KLHDC4: variants seen among roughly 807,000 people sequenced by gnomAD.
KLHDC4 encodes the protein kelch domain containing 4, also known as kelch domain-containing protein 4.
Under a neutral mutation model 62.4 loss-of-function variants are expected in KLHDC4, and 90 were observed. That is an observed-to-expected ratio of 1.44 (90% CI 1.22 to 1.72). KLHDC4 has a LOEUF of 1.72. Ranked by LOEUF, KLHDC4 falls within the 40% of genes most tolerant of loss-of-function variation. The probability of loss-of-function intolerance (pLI) is 0.00; values close to 1 mark genes in which losing one functional copy is unlikely to be tolerated. For missense variants in KLHDC4, 1,025 were observed against 699.7 expected (o/e 1.47, Z -5.25); for synonymous variants, 386 against 284.4 (o/e 1.36, Z -3.59).
chr16:87,765,465 C>A, intron 1 of KLHDC4: 2 of 499,570 alleles, frequency 4.0e-6, no homozygotes, highest in East Asian at 5.0e-5. Flanking sequence ...CTTCTCACCA[C>A]CCAGCCTCCC....
intron 5 of KLHDC4, among the ~76,000 whole-genome samples, chr16:87,742,362 C>T (rs1597254527): frequency 6.6e-6 from 1 of 152,288 alleles, no homozygotes; most frequent in East Asian, 1.9e-4. Flanking sequence ...TTTCATTCTG[C>T]AATCATTAGT....
At chr16:87,765,729 G>T in intron 1 of KLHDC4, 63 bp downstream of exon 1, 1 of 1,462,628 alleles carries the variant, frequency 6.8e-7, no homozygotes, top group Non-Finnish European at 9.2e-7. Context: ...GGGGGGCGCA[G>T]GGAGTCGGCC....
In KLHDC4 at chr16:87,748,812, G is replaced by C; in HGVS notation, c.370-3C>G. On this transcript the variant is annotated splice_polypyrimidine_tract_variant and splice_region_variant and intron_variant, in intron 4 of 11. Transcript: ENST00000270583. ...CCACCTTGAGGCACTACCACCGCCT[G>C]TGAAAAGAAAGGTGACAGGTCAGGG... 1.9e-6 allele frequency: 3 copies of C among 1,612,108 alleles called. No individual in the cohort carries two copies. Among genetic ancestry groups the C allele is most frequent in the South Asian group, 1.1e-5 (1 of 90,832 alleles).
At position 87,726,223 on chromosome 16, in the gene KLHDC4, CG is replaced by C. The variant is rs1265279457; in HGVS notation, c.759+541del. Among the ~76,000 whole-genome samples the C allele has an allele frequency of 2.3e-3, 285 of 124,830 alleles. 103 individuals carry two copies. Among genetic ancestry groups the C allele is most frequent in the Middle Eastern group, 4.1e-3 (1 of 246 alleles). The allele number at this position is 124,830 out of a possible 152,430, so 81.9% of individuals were successfully genotyped here. A position where few individuals can be genotyped will look rare whatever the true frequency, so the allele number is the denominator to read the frequency against. ...ACCCCGCGCCTCGCCCGTCTCCCCA[CG>C]CCGCGCCTCGCCCGTCTCCCCACGC... On this transcript the variant is annotated intron_variant, in intron 7 of 11. Coordinates refer to ENST00000270583, the MANE Select transcript of KLHDC4 (RefSeq NM_017566.4).
rs553736804 is a variant in KLHDC4, at chr16:87,735,231, C to T, written c.507-4587G>A. Among the ~76,000 whole-genome samples the T allele has an allele frequency of 4.7e-5, 7 of 149,362 alleles. No individual in the cohort carries two copies. The East Asian group carries it at 1.2e-3, about 26-fold the overall frequency. On this transcript the variant is annotated intron_variant, in intron 5 of 11. Coordinates refer to ENST00000270583, the MANE Select transcript of KLHDC4 (RefSeq NM_017566.4). ...AGGAGAATGGCGTGAACCCGGGAGGCGGAGCTTGCAGTGAGCAGAGATCGC... is the reference window on the plus strand; with the variant it reads ...AGGAGAATGGCGTGAACCCGGGAGGTGGAGCTTGCAGTGAGCAGAGATCGC...
intron 8 of KLHDC4, among the ~76,000 whole-genome samples, chr16:87,711,645 C>G (rs561263566): frequency 8.5e-5 from 13 of 152,218 alleles, no homozygotes; most frequent in Non-Finnish European, 1.5e-4. Context: ...CTTAAGAGAG[C>G]TGGCATTCAA....
intron 10 of KLHDC4, 39 bp from the exon 11 acceptor site, chr16:87,708,505 G>C (rs759624371): frequency 1.1e-5 from 16 of 1,506,686 alleles, no homozygotes; most frequent in Non-Finnish European, 1.3e-5. Flanking sequence ...CGTCAGCGCA[G>C]CTGAGGCAGG....
chr16:87,757,666 G>C (rs765900596), intron 2 of KLHDC4, among the ~76,000 whole-genome samples: 23 of 152,034 alleles, frequency 1.5e-4, no homozygotes, highest in Admixed American at 4.6e-4. Flanking sequence ...GAGGCGGGCA[G>C]ATCACCTGAG....
chr16:87,720,197 G>A (rs917201023), intron 7 of KLHDC4, among the ~76,000 whole-genome samples: 6 of 152,254 alleles, frequency 3.9e-5, no homozygotes, highest in Non-Finnish European at 8.8e-5. Context: ...CGGCGGTGCA[G>A]TGGTAGGTAG....
chr16:87,716,545 C>G (rs1407894656), intron 7 of KLHDC4, among the ~76,000 whole-genome samples: 1 of 152,158 alleles, frequency 6.6e-6, no homozygotes, highest in Non-Finnish European at 1.5e-5. Context: ...ACAAGATGCT[C>G]AATTCCTCCT....
chr16:87,748,807 C>T lies in KLHDC4; in HGVS notation c.372G>A (p.Ala124=), dbSNP rs762964062. The change falls in exon 5 of 12, where the codon GCG becomes GCA. Residue 124 remains alanine, a splice_region_variant and synonymous_variant. Transcript: ENST00000270583. The part of the protein sequence containing the change: ...SPPPRRCAHQ[A]VVVPQGGGQL... ...GTCCGCCACCTTGAGGCACTACCAC[C>T]GCCTGTGAAAAGAAAGGTGACAGGT... The T allele has an allele frequency of 3.5e-5, 57 of 1,612,050 alleles. 1 individual carries two copies. In the South Asian group the frequency reaches 4.3e-4, roughly 12 times the overall value.
chr16:87,717,752 G>GAC (rs1172940195), intron 7 of KLHDC4, among the ~76,000 whole-genome samples: 2,147 of 152,280 alleles, frequency 0.014, 50 homozygotes, highest in African/African-American at 0.048. Flanking sequence ...GGACAAGGAA[G>GAC]GAATTCAGTG....
At chr16:87,713,785 T>A (rs961244080) in intron 8 of KLHDC4, among the ~76,000 whole-genome samples, 2 of 152,218 alleles carry the variant, frequency 1.3e-5, no homozygotes, top group Admixed American at 1.3e-4. Context: ...CCCTAGGTCA[T>A]CCCATGTCAT....
rs2034986019 is a variant in KLHDC4 at position 87,708,024 on chromosome 16, C to A, written c.*53G>T. On this transcript the variant is annotated 3_prime_UTR_variant, in exon 12 of 12. Transcript: ENST00000270583. ...AGAGCTTCACTCAACACGGCTGGGT[C>A]CTGGGCGGACGTGGGCACAGCACTT... 5.9e-6 allele frequency: 3 copies of A among 504,790 alleles called. No homozygotes were observed. The highest frequency in any genetic ancestry group is 1.2e-5 in the Non-Finnish European group (3 of 258,630). The allele number at this position is 504,790 out of a possible 1,614,324, so 31.3% of individuals were successfully genotyped here. A position where few individuals can be genotyped will look rare whatever the true frequency, so the allele number is the denominator to read the frequency against.
At chr16:87,706,511 C>G (rs1268100602), downstream of KLHDC4, among the ~76,000 whole-genome samples, 2 of 152,214 alleles carry the variant, frequency 1.3e-5, no homozygotes, top group Non-Finnish European at 2.9e-5. Context: ...TCACTCCTGT[C>G]AGCACTGCCA....
intron 4 of KLHDC4, among the ~76,000 whole-genome samples, 179 bp from the exon 5 acceptor site, chr16:87,748,988 C>T (rs1404502013): frequency 6.7e-6 from 1 of 148,864 alleles, no homozygotes; most frequent in African/African-American, 2.5e-5. Context: ...CAAACACCCT[C>T]GTAGGAAAGC....
At chr16:87,720,777 C>G (rs1175180930) in intron 7 of KLHDC4, among the ~76,000 whole-genome samples, 2 of 152,272 alleles carry the variant, frequency 1.3e-5, no homozygotes, top group Non-Finnish European at 2.9e-5. Context: ...CTTTTGAAAA[C>G]TGCTTCAGGG....
At chr16:87,731,648 CACAGTGAAACA>C (rs1347740659) in intron 5 of KLHDC4, among the ~76,000 whole-genome samples, 2 of 151,734 alleles carry the variant, frequency 1.3e-5, no homozygotes, top group Non-Finnish European at 2.9e-5. Flanking sequence ...GAAAACGTAA[CACAGTGAAACA>C]ACGGTGAAAC....
intron 4 of KLHDC4, chr16:87,750,424 A>C (rs1363783959): frequency 6.6e-6 from 1 of 152,284 alleles, no homozygotes; most frequent in African/African-American, 2.4e-5. Flanking sequence ...ATTAAGAGAG[A>C]AAAAGCGACC....
Sources: gnomAD v4.1 joint callset for allele counts (sites outside exome capture counted in the v4.1 genomes callset) on GRCh38, gnomAD v4.1.1 for gene constraint, MANE v1.5 for transcripts, NCBI Gene and HGNC (gene_info 2026-07-23, HGNC 2026-07-21) for gene names.